The following MYO18B variants were observed in gnomAD, a reference collection of about 807,000 sequenced individuals.
MYO18B encodes the protein myosin XVIIIB, also known as unconventional myosin-XVIIIb.
In MYO18B, 204 loss-of-function variants were observed where a neutral mutation model predicts 273.0. That is an observed-to-expected ratio of 0.75 (90% CI 0.67 to 0.84). MYO18B has a LOEUF of 0.84. MYO18B is among the 40% of genes least tolerant of loss of function. The pLI is 0.00. For missense variants in MYO18B, 3,212 were observed against 3,287.6 expected, an observed-to-expected ratio of 0.98 and a Z score of 0.56; for synonymous variants, 1,330 against 1,305.7, an observed-to-expected ratio of 1.02 and a Z score of -0.40.
intron 39 of MYO18B, among the ~76,000 whole-genome samples, chr22:25,958,247 C>T (rs927398347): frequency 1.3e-5 from 2 of 152,104 alleles, no homozygotes; most frequent in Non-Finnish European, 2.9e-5. Context: ...AGATCACATT[C>T]ACAAGTCCCA....
intron 40 of MYO18B, among the ~76,000 whole-genome samples, chr22:25,997,978 C>CACACACACGAGAGA (rs34431605): frequency 5.5e-5 from 8 of 144,550 alleles, no homozygotes; most frequent in African/African-American, 1.6e-4. Context: ...CACACACACA[C>CACACACACGAGAGA]GAGAGAGAGA....
chr22:26,013,563 T>C (rs932246976), intron 42 of MYO18B, among the ~76,000 whole-genome samples: 4 of 152,222 alleles, frequency 2.6e-5, no homozygotes, highest in Non-Finnish European at 5.9e-5. Context: ...TACTCAGCAG[T>C]AGAATTGCTA....
chr22:25,880,538 G>C (rs1010284188), intron 25 of MYO18B, among the ~76,000 whole-genome samples: 1 of 152,068 alleles, frequency 6.6e-6, no homozygotes, highest in Non-Finnish European at 1.5e-5. Flanking sequence ...AGCTCTGTTT[G>C]TCCATGAAGC....
intron 37 of MYO18B, among the ~76,000 whole-genome samples, chr22:25,950,715 A>G (rs2092783322): frequency 6.6e-6 from 1 of 151,856 alleles, no homozygotes; most frequent in Non-Finnish European, 1.5e-5. Flanking sequence ...GGGATTACAG[A>G]CACCCGCCAC....
rs1419085613 is a variant in MYO18B, at chr22:25,768,702, C to G, written c.786C>G (p.Asp262Glu). 1 of 1,572,800 alleles carries G rather than the reference C, an allele frequency of 6.4e-7. No homozygotes were observed. Among genetic ancestry groups the G allele is most frequent in the Non-Finnish European group, 8.6e-7 (1 of 1,161,542 alleles). ...ELKEAEPQGKDRQGTRPQAQG... is the reference protein window; with the variant it reads ...ELKEAEPQGKERQGTRPQAQG... ...AAGAGGCTGAGCCCCAGGGCAAAGA[C>G]AGGCAGGGGACCAGGCCCCAAGCCC... The change falls in exon 4 of 44, where the codon GAC (aspartate) becomes GAG (glutamate). Residue 262 changes from aspartate to glutamate, a missense_variant. By Grantham distance (45) the Asp-to-Glu change is conservative. Coordinates refer to ENST00000335473, the MANE Select transcript of MYO18B (RefSeq NM_032608.7).
At position 25,919,067 on chromosome 22, in the gene MYO18B, C is replaced by A. The variant is rs118018757; in HGVS notation, c.5365-2190C>A. ...TGCCCCTCAACTCGGGGTTTTATAC[C>A]CTCATGGCAACCACCCCGAAATGCA... On this transcript the variant is annotated intron_variant, in intron 33 of 43. Coordinates refer to ENST00000335473, the MANE Select transcript of MYO18B (RefSeq NM_032608.7). 4.3e-3 allele frequency among the ~76,000 whole-genome samples: 659 copies of A among 152,168 alleles called. 4 individuals carry two copies. Among genetic ancestry groups the A allele is most frequent in the Non-Finnish European group, 6.7e-3 (456 of 67,996 alleles).
intron 11 of MYO18B, among the ~76,000 whole-genome samples, chr22:25,797,201 C>G (rs577965004): frequency 1.7e-4 from 26 of 152,348 alleles, no homozygotes; most frequent in African/African-American, 5.8e-4. Flanking sequence ...GCACTCCAGC[C>G]TGGGCAACAG....
intron 1 of MYO18B, among the ~76,000 whole-genome samples, chr22:25,743,084 G>C (rs1172680641): frequency 1.3e-5 from 2 of 152,246 alleles, no homozygotes; most frequent in Non-Finnish European, 2.9e-5. Flanking sequence ...GGAGTGGGGA[G>C]GCCCGGAATG....
intron 40 of MYO18B, among the ~76,000 whole-genome samples, chr22:25,995,377 TA>T (rs1933125479): frequency 6.6e-6 from 1 of 152,150 alleles, no homozygotes; most frequent in African/African-American, 2.4e-5. Context: ...CATTGTACAT[TA>T]AAAAATAACT....
Position 25,946,254 on chromosome 22 carries a change from C to T in MYO18B, c.5631+4C>T. The T allele has an allele frequency of 6.4e-7, 1 of 1,557,510 alleles. No individual in the cohort carries two copies. The highest frequency in any genetic ancestry group is 8.7e-7 in the Non-Finnish European group (1 of 1,150,996). ...CATGACGCGGAACAAGAGCCTGGTA[C>T]CTGTCCCTTCCTGCAGCTGCAGGGA... On this transcript the variant is annotated splice_donor_region_variant and intron_variant, in intron 35 of 43. Transcript: ENST00000335473.
chr22:25,921,593 G>T (rs986239463), intron 34 of MYO18B, among the ~76,000 whole-genome samples, 184 bp downstream of exon 34: 1 of 152,110 alleles, frequency 6.6e-6, no homozygotes, highest in Admixed American at 6.5e-5. Context: ...GAGGAGGAGG[G>T]GTCTAAGAAG....
chr22:25,856,385 GC>G (rs2090575685), intron 21 of MYO18B, among the ~76,000 whole-genome samples: 1 of 152,196 alleles, frequency 6.6e-6, no homozygotes, highest in Non-Finnish European at 1.5e-5. Context: ...TACAGGACAT[GC>G]CATTCATGGA....
Position 25,941,824 on chromosome 22 carries a change from G to A in MYO18B, c.5518-4313G>A, listed in dbSNP as rs533142189. Among the ~76,000 whole-genome samples the A allele has an allele frequency of 3.3e-5, 5 of 152,250 alleles. No individual in the cohort carries two copies. In the East Asian group the frequency reaches 9.7e-4, roughly 29 times the overall value. On this transcript the variant is annotated intron_variant, in intron 34 of 43. Coordinates refer to ENST00000335473, the MANE Select transcript of MYO18B (RefSeq NM_032608.7). ...AGACCTGCTTGACTTGTGTGCCTCT[G>A]GGACACTGACCTCCCTCTACCCATC...
chr22:26,038,700 T>C, the MYO18B span, among the ~76,000 whole-genome samples: 1 of 152,192 alleles, frequency 6.6e-6, no homozygotes, highest in Non-Finnish European at 1.5e-5. Flanking sequence ...AATTTTCCTA[T>C]GTGGTCTAAC....
chr22:25,910,881 C>A, intron 32 of MYO18B, 65 bp from the exon 33 acceptor site: 2 of 1,315,666 alleles, frequency 1.5e-6, no homozygotes, highest in Non-Finnish European at 2.1e-6. Flanking sequence ...AGGGTCCTTG[C>A]CTTGTAGGAT....
At position 25,950,455 on chromosome 22, in the gene MYO18B, G is replaced by A. The variant is rs1374583422; in HGVS notation, c.5832+5G>A. On this transcript the variant is annotated splice_donor_5th_base_variant and intron_variant, in intron 37 of 43. Coordinates refer to ENST00000335473, the MANE Select transcript of MYO18B (RefSeq NM_032608.7). The stretch of plus-strand genomic sequence containing the variant: ...AAGCACAAGCTACAAGAACAAGTAT[G>A]TGCTCAGAGCCATCCTATAGTTGTA... 1.3e-6 allele frequency: 2 copies of A among 1,596,746 alleles called. No homozygotes were observed. The highest frequency in any genetic ancestry group is 2.3e-5 in the South Asian group (2 of 88,062).
intron 13 of MYO18B, among the ~76,000 whole-genome samples, chr22:25,824,380 G>GT (rs2089409084): frequency 6.6e-6 from 1 of 152,040 alleles, no homozygotes; most frequent in Non-Finnish European, 1.5e-5. Flanking sequence ...GAAAGACAGA[G>GT]ACCAGCAGTG....
chr22:25,921,164 G>A (rs773942315), intron 33 of MYO18B, 93 bp from the exon 34 acceptor site: 7 of 1,304,272 alleles, frequency 5.4e-6, no homozygotes, highest in Non-Finnish European at 6.3e-6. Flanking sequence ...AGTGGCAGAG[G>A]CAGGATTTAA....
At chr22:26,054,679 A>G in the MYO18B span, among the ~76,000 whole-genome samples, 2 of 152,180 alleles carry the variant, frequency 1.3e-5, no homozygotes, top group African/African-American at 4.8e-5. Context: ...AGAGCACTGG[A>G]GAGGAACTGA....
Sources: allele counts gnomAD v4.1 joint callset (sites outside exome capture counted in the v4.1 genomes callset), GRCh38; gene constraint gnomAD v4.1.1; transcripts MANE v1.5; gene names NCBI Gene and HGNC (gene_info 2026-07-23, HGNC 2026-07-21).